Variants in NTM observed in about 807,000 individuals in gnomAD.
The protein encoded by NTM is neurotrimin.
Under a neutral mutation model 42.1 loss-of-function variants are expected in NTM, and 13 were observed. That is an observed-to-expected ratio of 0.31 (90% CI 0.20 to 0.49). NTM has a LOEUF of 0.49. NTM is among the 20% of genes least tolerant of loss of function. The probability of loss-of-function intolerance (pLI) is 0.99; values close to 1 mark genes in which losing one functional copy is unlikely to be tolerated. For missense variants in NTM, 373 were observed against 452.8 expected, an observed-to-expected ratio of 0.82 and a Z score of 1.60; for synonymous variants, 187 against 179.2, an observed-to-expected ratio of 1.04 and a Z score of -0.35.
chr11:131,762,214 CTT>C (rs1455672314), intron 1 of NTM, among the ~76,000 whole-genome samples: 2 of 152,246 alleles, frequency 1.3e-5, no homozygotes, highest in African/African-American at 2.4e-5. Flanking sequence ...AATGGACACT[CTT>C]TGCCTAGGTT....
At chr11:131,815,224 C>G (rs908458862) in intron 1 of NTM, among the ~76,000 whole-genome samples, 12 of 152,188 alleles carry the variant, frequency 7.9e-5, no homozygotes, top group African/African-American at 2.7e-4. Flanking sequence ...TCCCACCTCA[C>G]CTTTCTGGGT....
At chr11:131,566,451 CTG>C (rs760259444) in intron 1 of NTM, among the ~76,000 whole-genome samples, 1 of 148,082 alleles carries the variant, frequency 6.8e-6, no homozygotes, top group Non-Finnish European at 1.5e-5. Flanking sequence ...GTGTGTGTGT[CTG>C]TGTGTGTGTG....
intron 1 of NTM, among the ~76,000 whole-genome samples, chr11:131,762,589 C>A (rs115958264): frequency 1.3e-5 from 2 of 152,360 alleles, no homozygotes; most frequent in East Asian, 1.9e-4. Flanking sequence ...GCAGGTGTGA[C>A]GGCCCTGTCG....
At chr11:131,741,446 C>T (rs1033693558) in intron 1 of NTM, among the ~76,000 whole-genome samples, 5 of 152,190 alleles carry the variant, frequency 3.3e-5, no homozygotes, top group African/African-American at 1.2e-4. Flanking sequence ...TCTGTTTTCT[C>T]AGATTACCTT....
chr11:131,529,889 G>A (rs1447573834), intron 1 of NTM, among the ~76,000 whole-genome samples: 2 of 152,004 alleles, frequency 1.3e-5, no homozygotes, highest in African/African-American at 4.8e-5. Context: ...AGCCTCCTCA[G>A]CCACCCTCCC....
intron 1 of NTM, among the ~76,000 whole-genome samples, chr11:131,668,855 G>T (rs1206287299): frequency 1.3e-5 from 2 of 152,158 alleles, no homozygotes; most frequent in African/African-American, 4.8e-5. Context: ...CCATTATTTG[G>T]CTTCCTAAGA....
At chr11:132,212,747 C>T (rs2083075115) in intron 4 of NTM, among the ~76,000 whole-genome samples, 1 of 152,112 alleles carries the variant, frequency 6.6e-6, no homozygotes. Context: ...ATGGATTGTA[C>T]ATTAAAACCT....
chr11:131,465,578 C>A (rs925102696), intron 1 of NTM, among the ~76,000 whole-genome samples: 3 of 152,142 alleles, frequency 2.0e-5, no homozygotes, highest in African/African-American at 4.8e-5. Context: ...GAGGCCTAAG[C>A]CCCTGGGATC....
chr11:131,902,961 G>C (rs1717984469), intron 1 of NTM, among the ~76,000 whole-genome samples: 1 of 152,116 alleles, frequency 6.6e-6, no homozygotes, highest in Admixed American at 6.5e-5. Flanking sequence ...TGCCTAAATG[G>C]CTTATCTGAG....
chr11:132,103,206 G>T (rs2061845950), intron 2 of NTM, among the ~76,000 whole-genome samples: 1 of 152,242 alleles, frequency 6.6e-6, no homozygotes, highest in Non-Finnish European at 1.5e-5. Context: ...ATGTAAGACA[G>T]ATTGGACAGA....
intron 2 of NTM, among the ~76,000 whole-genome samples, chr11:131,912,745 A>T (rs368771180): frequency 6.6e-6 from 1 of 152,224 alleles, no homozygotes; most frequent in Non-Finnish European, 1.5e-5. Flanking sequence ...TCCTTTGCAC[A>T]TGAAGATTTC....
chr11:131,729,774 A>G (rs2079405099), intron 1 of NTM, among the ~76,000 whole-genome samples: 1 of 152,214 alleles, frequency 6.6e-6, no homozygotes, highest in Non-Finnish European at 1.5e-5. Context: ...TGGCTGAATA[A>G]TATTTCCTTG....
At chr11:131,600,788 GA>G (rs2060414644) in intron 1 of NTM, among the ~76,000 whole-genome samples, 1 of 152,162 alleles carries the variant, frequency 6.6e-6, no homozygotes, top group South Asian at 2.1e-4. Context: ...CTCAGTGTAA[GA>G]GGCCCATAAT....
chr11:131,438,983 T>A (rs1306153113), intron 1 of NTM, among the ~76,000 whole-genome samples: 1 of 152,212 alleles, frequency 6.6e-6, no homozygotes, highest in African/African-American at 2.4e-5. Context: ...TGGATGTCCT[T>A]TTTGTTGATG....
At chr11:132,245,801 T>G (rs1287131741) in intron 4 of NTM, among the ~76,000 whole-genome samples, 1 of 151,978 alleles carries the variant, frequency 6.6e-6, no homozygotes, top group African/African-American at 2.4e-5. Flanking sequence ...AAACCCTTCC[T>G]CTCCTCTTTC....
At chr11:131,404,404 C>T (rs1243003336) in intron 1 of NTM, among the ~76,000 whole-genome samples, 4 of 152,172 alleles carry the variant, frequency 2.6e-5, no homozygotes, top group African/African-American at 9.7e-5. Context: ...CTTCTTACCT[C>T]ACTAAACCCT....
At chr11:132,200,840 A>G (rs1181599436) in intron 3 of NTM, among the ~76,000 whole-genome samples, 1 of 152,212 alleles carries the variant, frequency 6.6e-6, no homozygotes, top group Non-Finnish European at 1.5e-5. Flanking sequence ...CTTAAGGGCA[A>G]GAGGAGAACA....
chr11:131,792,358 C>T (rs2091049393), intron 1 of NTM, among the ~76,000 whole-genome samples: 1 of 151,838 alleles, frequency 6.6e-6, no homozygotes, highest in African/African-American at 2.4e-5. Context: ...TGTTCCTTTG[C>T]CTGCAGTGCC....
intron 3 of NTM, among the ~76,000 whole-genome samples, chr11:132,207,051 A>C (rs983495805): frequency 6.6e-6 from 1 of 152,204 alleles, no homozygotes; most frequent in African/African-American, 2.4e-5. Context: ...CCATTGTGTA[A>C]CAGTAGGTGT....
Sources: allele counts gnomAD v4.1 joint callset (sites outside exome capture counted in the v4.1 genomes callset), GRCh38; gene constraint gnomAD v4.1.1; transcripts MANE v1.5; gene names NCBI Gene and HGNC (gene_info 2026-07-23, HGNC 2026-07-21).